The following ZSWIM3 variants were observed in gnomAD, a reference collection of about 807,000 sequenced individuals.
The protein encoded by ZSWIM3 is zinc finger SWIM domain-containing protein 3.
A neutral mutation model predicts 47.5 loss-of-function variants in ZSWIM3; 27 were observed. That is an observed-to-expected ratio of 0.57 (90% CI 0.42 to 0.78). ZSWIM3 has a LOEUF of 0.78. ZSWIM3 is among the 30% of genes least tolerant of loss of function. The pLI is 0.00. For synonymous variants in ZSWIM3, 333 were observed against 333.9 expected (o/e 1.00, Z 0.03); for missense variants, 689 against 861.3 (o/e 0.80, Z 2.50).
chr20:45,878,819 C>A lies in ZSWIM3; in HGVS notation c.*170C>A. 1.1e-6 allele frequency: 1 copy of A among 874,690 alleles called. No homozygotes were observed. Among genetic ancestry groups the A allele is most frequent in the Non-Finnish European group, 1.7e-6 (1 of 601,220 alleles). The allele number at this position is 874,690 out of a possible 1,614,324, so 54.2% of individuals were successfully genotyped here. On this transcript the variant is annotated 3_prime_UTR_variant, in exon 2 of 2. Transcript: ENST00000255152. ...GAACTCCACTGTGTGACAGTCCTTTCAATCTGCCCCTTTTCAGCCCTACTT... is the reference window on the plus strand; with the variant it reads ...GAACTCCACTGTGTGACAGTCCTTTAAATCTGCCCCTTTTCAGCCCTACTT...
At chr20:45,858,340 T>C (rs1322847152) in intron 1 of ZSWIM3, among the ~76,000 whole-genome samples, 1 of 152,250 alleles carries the variant, frequency 6.6e-6, no homozygotes, top group Non-Finnish European at 1.5e-5. Context: ...TACAAAACAG[T>C]CACATGGTCG....
At chr20:45,862,007 C>T (rs1188415805) in intron 1 of ZSWIM3, among the ~76,000 whole-genome samples, 3 of 151,732 alleles carry the variant, frequency 2.0e-5, no homozygotes, top group Non-Finnish European at 4.4e-5. Context: ...CCAGCCTGGG[C>T]GACACAGCGA....
Position 45,877,223 on chromosome 20 carries a change from T to C in ZSWIM3, c.665T>C (p.Leu222Ser). The C allele has an allele frequency of 6.2e-7, 1 of 1,614,074 alleles. No individual in the cohort carries two copies. Residue 222 changes from leucine to serine, a missense_variant, in exon 2 of 2, where the codon TTG becomes TCG. Coordinates refer to ENST00000255152, the MANE Select transcript of ZSWIM3 (RefSeq NM_080752.4). ...DLFIRFPENL[L>S]LHRVENTQGH... is the part of the protein sequence containing the mutation. ...TTCATCCGCTTCCCAGAGAATCTCT[T>C]GCTACACCGGGTGGAGAACACCCAG...
rs2145794051 is a variant in ZSWIM3 at position 45,877,743 on chromosome 20, A to G, written c.1185A>G (p.Leu395=). ...LLACNTYMDS[L]DIVTSKVSSL... ...CGTGTAACACCTACATGGACAGCCT[A>G]GACATTGTCACCAGCAAGGTGTCAA... The change falls in exon 2 of 2, where the codon CTA becomes CTG. Residue 395 remains leucine, a synonymous_variant. Coordinates refer to ENST00000255152, the MANE Select transcript of ZSWIM3 (RefSeq NM_080752.4). The G allele has an allele frequency of 1.5e-5, 24 of 1,614,074 alleles. No homozygotes were observed. The highest frequency in any genetic ancestry group is 2.0e-5 in the Non-Finnish European group (24 of 1,179,948).
intron 1 of ZSWIM3, among the ~76,000 whole-genome samples, chr20:45,864,051 C>T (rs976722617): frequency 3.9e-5 from 6 of 151,948 alleles, no homozygotes; most frequent in African/African-American, 1.5e-4. Flanking sequence ...ACTGACAGAG[C>T]TCTTAATTGT....
intron 1 of ZSWIM3, among the ~76,000 whole-genome samples, chr20:45,869,148 C>T (rs1332887143): frequency 2.0e-5 from 3 of 152,076 alleles, no homozygotes; most frequent in African/African-American, 7.2e-5. Flanking sequence ...CATTTTCCAC[C>T]CAGATCTTGT....
At chr20:45,865,989 T>G (rs1985831636) in intron 1 of ZSWIM3, among the ~76,000 whole-genome samples, 1 of 96,872 alleles carries the variant, frequency 1.0e-5, no homozygotes, top group African/African-American at 3.4e-5. Flanking sequence ...TGAGACTCTG[T>G]CTCAAAAAAA....
At position 45,857,685 on chromosome 20, in the gene ZSWIM3, T is replaced by C; in HGVS notation, c.-141T>C. The C allele has an allele frequency of 2.9e-6, 3 of 1,035,392 alleles. No individual in the cohort carries two copies. The highest frequency in any genetic ancestry group is 4.3e-6 in the Non-Finnish European group (3 of 701,232). 64.1% of individuals were successfully genotyped at this position (1,035,392 alleles called of 1,614,324 possible). ...TAGGGTTCCTCCCTGAGTTCCAGAA[T>C]AGGCCACCCAGTTGGGGCGGACCCT... is the stretch of plus-strand genomic sequence containing the variant. On this transcript the variant is annotated 5_prime_UTR_variant, in exon 1 of 2. Transcript: ENST00000255152.
intron 1 of ZSWIM3, among the ~76,000 whole-genome samples, chr20:45,867,004 T>TTTTC (rs1985861413): frequency 7.8e-6 from 1 of 128,652 alleles, no homozygotes; most frequent in African/African-American, 3.2e-5. Flanking sequence ...AGTTAGAAAT[T>TTTTC]TTTTTTTTTT....
chr20:45,868,871 C>T (rs1244113772), intron 1 of ZSWIM3, among the ~76,000 whole-genome samples: 2 of 151,928 alleles, frequency 1.3e-5, no homozygotes, highest in East Asian at 1.9e-4. Flanking sequence ...GGCGCAATCT[C>T]GGCTCACTGC....
intron 1 of ZSWIM3, chr20:45,872,803 C>T: frequency 7.8e-7 from 1 of 1,289,116 alleles, no homozygotes. Context: ...GATGGCACCA[C>T]CCCCGCACTG....
chr20:45,874,798 C>G (rs900551855), intron 1 of ZSWIM3, among the ~76,000 whole-genome samples: 28 of 151,998 alleles, frequency 1.8e-4, no homozygotes, highest in Non-Finnish European at 5.9e-5. Context: ...TTGGCAGCTA[C>G]AAATGGCAAC....
In ZSWIM3 at chr20:45,877,084, A is replaced by G. The variant is rs1361256324; in HGVS notation, c.526A>G (p.Lys176Glu). The G allele has an allele frequency of 3.1e-6, 5 of 1,614,072 alleles. No homozygotes were observed. In the African/African-American group the frequency reaches 6.7e-5, roughly 22 times the overall value. ...TCCTTCTGACCTGGCCAAGATAGCA[A>G]AAGTGATGAAGAACTTTCTTAAGGT... ...ITPSDLAKIA[K>E]VMKNFLKVDE... The change falls in exon 2 of 2, where the codon AAA (lysine) becomes GAA (glutamate). Residue 176 changes from lysine (K) to glutamate (E), a missense_variant. Lys to Glu is a moderately conservative substitution (Grantham distance 56, BLOSUM62 1). Coordinates refer to ENST00000255152, the MANE Select transcript of ZSWIM3 (RefSeq NM_080752.4).
Position 45,857,744 on chromosome 20 carries a change from C to T in ZSWIM3, c.-82C>T. On this transcript the variant is annotated 5_prime_UTR_variant, in exon 1 of 2. Transcript: ENST00000255152. The stretch of plus-strand genomic sequence containing the variant: ...TCTGGGCCCACGCCTGCCTATAAAC[C>T]CTCATAGTGTGACCTTTGACCCCTG... 6.6e-7 allele frequency: 1 copy of T among 1,525,122 alleles called. No individual in the cohort carries two copies. Among genetic ancestry groups the T allele is most frequent in the Admixed American group, 2.0e-5 (1 of 50,020 alleles). 94.5% of individuals were successfully genotyped at this position (1,525,122 alleles called of 1,614,324 possible).
rs532226290 is a variant in ZSWIM3 at position 45,877,959 on chromosome 20, C to T, written c.1401C>T (p.Leu467=). 6.2e-7 allele frequency: 1 copy of T among 1,614,160 alleles called. No individual in the cohort carries two copies. Among genetic ancestry groups the T allele is most frequent in the Non-Finnish European group, 8.5e-7 (1 of 1,180,040 alleles). ...FGICGESLTS[L]PAEETKPDAQ... ...TCTGTGGAGAGAGCCTTACCAGCCT[C>T]CCTGCAGAAGAGACCAAGCCAGACG... The change falls in exon 2 of 2, where the codon CTC becomes CTT. Residue 467 remains leucine (L), a synonymous_variant. Transcript: ENST00000255152.
intron 1 of ZSWIM3, among the ~76,000 whole-genome samples, chr20:45,864,716 C>T (rs1985793268): frequency 6.6e-6 from 1 of 151,828 alleles, no homozygotes; most frequent in Non-Finnish European, 1.5e-5. Context: ...CATAAATTAG[C>T]CAGGCACGGT....
chr20:45,871,651 G>A (rs1985975476), intron 1 of ZSWIM3, among the ~76,000 whole-genome samples: 1 of 151,174 alleles, frequency 6.6e-6, no homozygotes, highest in Admixed American at 6.6e-5. Flanking sequence ...GTCTAGTCAG[G>A]GGAGAGATTA....
rs1418961465 is a variant in ZSWIM3, at chr20:45,878,527, C to T, written c.1969C>T (p.Gln657Ter). ...KIVDIWAGPSQPSELFQQPGD... is the reference protein window; with the variant it reads ...KIVDIWAGPS ...TGTGGATATCTGGGCTGGCCCCTCC[C>T]AGCCATCTGAGCTCTTTCAGCAGCC... The change falls in exon 2 of 2, where the codon CAG becomes TAG. Residue 657 changes from glutamine (Q) to a stop codon, truncating the protein, a stop_gained. Coordinates refer to ENST00000255152, the MANE Select transcript of ZSWIM3 (RefSeq NM_080752.4). LOFTEE classifies it high-confidence loss of function. 6.2e-7 allele frequency: 1 copy of T among 1,614,120 alleles called. No homozygotes were observed. Among genetic ancestry groups the T allele is most frequent in the Non-Finnish European group, 8.5e-7 (1 of 1,180,048 alleles).
intron 1 of ZSWIM3, chr20:45,872,752 T>C: frequency 7.8e-7 from 1 of 1,289,372 alleles, no homozygotes; most frequent in South Asian, 1.2e-5. Flanking sequence ...GGCCTCGCTG[T>C]ACTACTGGAC....
Sources: gnomAD v4.1 joint callset for allele counts (sites outside exome capture counted in the v4.1 genomes callset) on GRCh38, gnomAD v4.1.1 for gene constraint, MANE v1.5 for transcripts, NCBI Gene and HGNC (gene_info 2026-07-23, HGNC 2026-07-21) for gene names.